Variants in CELA2A observed in about 807,000 individuals in gnomAD.
CELA2A encodes chymotrypsin-like elastase family member 2A.
CELA2A carries 31 observed loss-of-function variants against 35.3 expected under a neutral mutation model. That is an observed-to-expected ratio of 0.88 (90% CI 0.66 to 1.19). CELA2A has a LOEUF of 1.19. Among genes scored for constraint, CELA2A ranks in the 50% most tolerant of loss-of-function variants. CELA2A has a pLI of 0.00. For synonymous variants in CELA2A, 150 were observed against 149.8 expected, an observed-to-expected ratio of 1.00 and a Z score of -0.01; for missense variants, 330 against 352.9, an observed-to-expected ratio of 0.94 and a Z score of 0.52.
intron 3 of CELA2A, 57 bp from the exon 4 acceptor site, chr1:15,462,676 A>G: frequency 3.7e-6 from 6 of 1,603,874 alleles, no homozygotes; most frequent in Non-Finnish European, 5.1e-6. Context: ...TATCCCCAGC[A>G]TTATCCAAAG....
At chr1:15,471,742 T>TG (rs200100178) in intron 7 of CELA2A, among the ~76,000 whole-genome samples, 5 of 151,714 alleles carry the variant, frequency 3.3e-5, no homozygotes, top group Non-Finnish European at 5.9e-5. Context: ...GAAGGCCCCC[T>TG]ACCCTGAAGC....
chr1:15,472,053 A>T lies in CELA2A; in HGVS notation c.*46A>T. On this transcript the variant is annotated 3_prime_UTR_variant, in exon 8 of 8. Coordinates refer to ENST00000359621, the MANE Select transcript of CELA2A (RefSeq NM_033440.3). ...TGTTTCAGACTTGGAAAGGTCACAG[A>T]AGGAAAATAATATAATAAAGTGACA... 1 of 1,610,990 alleles carries T rather than the reference A, an allele frequency of 6.2e-7. No individual in the cohort carries two copies. Among genetic ancestry groups the T allele is most frequent in the Non-Finnish European group, 8.5e-7 (1 of 1,177,206 alleles).
chr1:15,467,788 G>T (rs1708541259), intron 7 of CELA2A, among the ~76,000 whole-genome samples: 1 of 152,130 alleles, frequency 6.6e-6, no homozygotes, highest in African/African-American at 2.4e-5. Flanking sequence ...CACTCCTCAG[G>T]CATATGAAGA....
intron 7 of CELA2A, among the ~76,000 whole-genome samples, chr1:15,469,295 C>A (rs1708561088): frequency 6.6e-6 from 1 of 152,168 alleles, no homozygotes; most frequent in South Asian, 2.1e-4. Context: ...AATGAGGGAC[C>A]AGCTCAGTTT....
intron 2 of CELA2A, among the ~76,000 whole-genome samples, chr1:15,460,309 TG>T (rs33976415): frequency 0.38 from 57,896 of 151,648 alleles, 11,399 homozygotes; most frequent in Middle Eastern, 0.55. Context: ...ATTTTTAAAT[TG>T]GGGGGGGGGT....
At chr1:15,460,455 CA>C (rs2103301158) in intron 2 of CELA2A, among the ~76,000 whole-genome samples, 1 of 152,188 alleles carries the variant, frequency 6.6e-6, no homozygotes, top group South Asian at 2.1e-4. Flanking sequence ...AGGCATCTGC[CA>C]ACAAACAGGT....
chr1:15,464,799 T>A (rs1223597454), intron 5 of CELA2A, among the ~76,000 whole-genome samples: 1 of 152,228 alleles, frequency 6.6e-6, no homozygotes, highest in South Asian at 2.1e-4. Context: ...CTCCAAATGC[T>A]TGGCTTTTCG....
At chr1:15,465,003 CTTTTTTTTTT>C (rs34001591) in intron 5 of CELA2A, among the ~76,000 whole-genome samples, 1 of 77,406 alleles carries the variant, frequency 1.3e-5, no homozygotes, top group African/African-American at 4.7e-5. Context: ...CTTAACTTCC[CTTTTTTTTTT>C]TTTTTTTTTT....
chr1:15,471,325 T>A (rs1228723809), intron 7 of CELA2A, among the ~76,000 whole-genome samples: 3 of 152,108 alleles, frequency 2.0e-5, no homozygotes, highest in African/African-American at 7.2e-5. Flanking sequence ...GGCGAGTAGA[T>A]CACTTGAGGT....
At chr1:15,469,174 T>A (rs1708559652) in intron 7 of CELA2A, among the ~76,000 whole-genome samples, 1 of 151,688 alleles carries the variant, frequency 6.6e-6, no homozygotes. Context: ...CGAGACTCCA[T>A]CTCAAAAGAA....
rs559256907 is a variant in CELA2A at position 15,469,196 on chromosome 1, C to A, written c.792+1658C>A. On this transcript the variant is annotated intron_variant, in intron 7 of 7. Transcript: ENST00000359621. ...CCATCTCAAAAGAAAAAAAAACACACAAAAAAGAAAGAGTTGCCCATGAGA... is the reference window on the plus strand; with the variant it reads ...CCATCTCAAAAGAAAAAAAAACACAAAAAAAAGAAAGAGTTGCCCATGAGA... Among the ~76,000 whole-genome samples, 181 of 152,102 alleles carry A rather than the reference C, an allele frequency of 1.2e-3. 1 individual carries two copies. The highest frequency in any genetic ancestry group is 3.5e-3 in the African/African-American group (144 of 41,520).
chr1:15,460,686 GTTAAT>G (rs1708421695), intron 2 of CELA2A, among the ~76,000 whole-genome samples: 1 of 148,952 alleles, frequency 6.7e-6, no homozygotes, highest in South Asian at 2.1e-4. Flanking sequence ...GTCTCACTCT[GTTAAT>G]TTTATTTTAT....
At position 15,467,462 on chromosome 1, in the gene CELA2A, C is replaced by A. The variant is rs1708534872; in HGVS notation, c.716C>A (p.Ser239Tyr). The A allele has an allele frequency of 6.2e-7, 1 of 1,614,046 alleles. No individual in the cohort carries two copies. Among genetic ancestry groups the A allele is most frequent in the Admixed American group, 1.7e-5 (1 of 60,012 alleles). The change falls in exon 7 of 8, where the codon TCT (serine) becomes TAT (tyrosine). Residue 239 changes from serine (S) to tyrosine (Y), a missense_variant. Ser to Tyr is a moderately radical substitution (Grantham distance 144). Coordinates refer to ENST00000359621, the MANE Select transcript of CELA2A (RefSeq NM_033440.3). The part of the protein sequence containing the change: ...WQVHGIVSFG[S>Y]RLGCNYYHKP... ...GTGCACGGCATCGTCAGCTTCGGGT[C>A]TCGCCTCGGCTGCAACTACTACCAC... is the stretch of plus-strand genomic sequence containing the variant.
chr1:15,464,875 G>A (rs925772954), intron 5 of CELA2A, among the ~76,000 whole-genome samples: 1 of 152,066 alleles, frequency 6.6e-6, no homozygotes, highest in Non-Finnish European at 1.5e-5. Flanking sequence ...TTCCTCATCT[G>A]TAAAATGGAA....
At chr1:15,456,921 T>C (rs1708368430) in intron 1 of CELA2A, 128 bp downstream of exon 1, 8 of 1,348,074 alleles carry the variant, frequency 5.9e-6, no homozygotes, top group South Asian at 3.8e-5. Context: ...ATAAGAACAT[T>C]GGAATGGAGT....
chr1:15,457,982 A>G (rs751816027), intron 2 of CELA2A, among the ~76,000 whole-genome samples: 4 of 152,238 alleles, frequency 2.6e-5, no homozygotes, highest in Non-Finnish European at 5.9e-5. Context: ...AGACGTGTTA[A>G]TGGTGGGGAT....
chr1:15,465,231 A>C (rs1487687891), intron 5 of CELA2A, among the ~76,000 whole-genome samples: 1 of 151,962 alleles, frequency 6.6e-6, no homozygotes, highest in Non-Finnish European at 1.5e-5. Context: ...GGCTGGTCTC[A>C]AACTCTTGAC....
At chr1:15,468,323 G>A (rs1708549596) in intron 7 of CELA2A, among the ~76,000 whole-genome samples, 1 of 152,098 alleles carries the variant, frequency 6.6e-6, no homozygotes, top group African/African-American at 2.4e-5. Flanking sequence ...CCAGGACTGA[G>A]AGGTTTTCCA....
Position 15,467,410 on chromosome 1 carries a change from T to C in CELA2A, c.664T>C (p.Cys222Arg), listed in dbSNP as rs751034008. 3.1e-6 allele frequency: 5 copies of C among 1,613,694 alleles called. No homozygotes were observed. Among genetic ancestry groups the C allele is most frequent in the Non-Finnish European group, 4.2e-6 (5 of 1,180,038 alleles). The change falls in exon 7 of 8, where the codon TGT (cysteine) becomes CGT (arginine). Residue 222 changes from cysteine to arginine, a missense_variant. Transcript: ENST00000359621. ...CNGDSGGPLN[C>R]QASDGRWQVH... ...GGGAGACTCTGGCGGGCCACTGAAC[T>C]GTCAGGCGTCTGACGGCCGGTGGCA...
Sources: allele counts gnomAD v4.1 joint callset (sites outside exome capture counted in the v4.1 genomes callset), GRCh38; gene constraint gnomAD v4.1.1; transcripts MANE v1.5; gene names NCBI Gene and HGNC (gene_info 2026-07-23, HGNC 2026-07-21).